DOCK9: variants seen among roughly 807,000 people sequenced by gnomAD.
DOCK9 encodes dedicator of cytokinesis protein 9.
A neutral mutation model predicts 263.3 loss-of-function variants in DOCK9; 89 were observed. The observed-to-expected ratio is 0.34, with a 90% CI of 0.28 to 0.40. The LOEUF (loss-of-function observed/expected upper bound fraction) is 0.40, where lower values mean the gene tolerates loss of function less well. DOCK9 is among the 10% of genes least tolerant of loss of function. The probability of loss-of-function intolerance (pLI) is 1.00; values close to 1 mark genes in which losing one functional copy is unlikely to be tolerated. For synonymous variants in DOCK9, 976 were observed against 973.1 expected (o/e 1.00, Z -0.06); for missense variants, 2,140 against 2,603.4 (o/e 0.82, Z 3.87).
At chr13:98,847,425 T>C (rs549720220) in intron 37 of DOCK9, 1 of 152,232 alleles carries the variant, frequency 6.6e-6, no homozygotes, top group African/African-American at 2.4e-5. Context: ...TGATAAAAAA[T>C]AAAACAGTTA....
intron 2 of DOCK9, among the ~76,000 whole-genome samples, chr13:98,931,389 C>A (rs1379297196): frequency 6.6e-6 from 1 of 152,030 alleles, no homozygotes; most frequent in East Asian, 1.9e-4. Flanking sequence ...AGCTCCGCCT[C>A]CCGGGTTCAC....
At chr13:99,027,437 C>T (rs990032764) in intron 1 of DOCK9, among the ~76,000 whole-genome samples, 4 of 152,184 alleles carry the variant, frequency 2.6e-5, no homozygotes, top group Admixed American at 2.6e-4. Flanking sequence ...TCCTCATGCT[C>T]AGGCCCACTG....
At chr13:99,016,200 A>G (rs1885385060) in intron 1 of DOCK9, 1 of 150,136 alleles carries the variant, frequency 6.7e-6, no homozygotes, top group Admixed American at 6.7e-5. Flanking sequence ...GAAGCAAAGG[A>G]AAAAAAAAAG....
Position 98,880,647 on chromosome 13 carries a change from A to C in DOCK9, c.2771T>G (p.Val924Gly). The C allele has an allele frequency of 6.2e-7, 1 of 1,613,884 alleles. No individual in the cohort carries two copies. The highest frequency in any genetic ancestry group is 8.5e-7 in the Non-Finnish European group (1 of 1,179,840). The change falls in exon 26 of 53, where the codon GTT becomes GGT. Residue 924 changes from valine (V) to glycine (G), a missense_variant. Coordinates refer to ENST00000682017, the MANE Select transcript of DOCK9 (RefSeq NM_001366683.2). The stretch of plus-strand genomic sequence containing the variant: ...ATGCACTGTCTTGTATTCAGAGGCA[A>C]CATATGGCTCAGCCTTATACGCGTA... ...VKYAYKAEPY[V>G]ASEYKTVHEE...
chr13:99,015,711 C>T (rs987268989), intron 1 of DOCK9: 2 of 1,424,976 alleles, frequency 1.4e-6, no homozygotes, highest in African/African-American at 2.9e-5. Flanking sequence ...ATCTTCGTGA[C>T]AAGCAGTCAC....
intron 1 of DOCK9, among the ~76,000 whole-genome samples, chr13:98,958,508 T>G (rs2058313677): frequency 6.6e-6 from 1 of 152,262 alleles, no homozygotes; most frequent in Non-Finnish European, 1.5e-5. Context: ...GTAAAGGACT[T>G]TGCCAGCCTT....
At position 98,800,390 on chromosome 13, in the gene DOCK9, G is replaced by C. The variant is rs771712709; in HGVS notation, c.5814C>G (p.Asp1938Glu). ...GCTCCGCCACCTTCTTACTCATCTCGTCAATGGCCACCTCGATGGGGTTCA... is the reference window on the plus strand; with the variant it reads ...GCTCCGCCACCTTCTTACTCATCTCCTCAATGGCCACCTCGATGGGGTTCA... The part of the protein sequence containing the change: ...TDLNPIEVAI[D>E]EMSKKVAELR... Residue 1938 changes from aspartate to glutamate, a missense_variant, in exon 50 of 53, where the codon GAC becomes GAG. By Grantham distance (45) the Asp-to-Glu change is conservative. Transcript: ENST00000682017. The C allele has an allele frequency of 6.2e-7, 1 of 1,613,940 alleles. No individual in the cohort carries two copies. The highest frequency in any genetic ancestry group is 1.7e-5 in the Admixed American group (1 of 60,006).
At chr13:98,806,726 TG>T (rs534002123) in intron 48 of DOCK9, among the ~76,000 whole-genome samples, 240 of 152,214 alleles carry the variant, frequency 1.6e-3, no homozygotes, top group African/African-American at 5.4e-3. Flanking sequence ...CTGGCCAACA[TG>T]GTGAAACCCT....
intron 1 of DOCK9, among the ~76,000 whole-genome samples, chr13:99,021,795 A>AACACCGGGGCCTG (rs1213150353): frequency 6.6e-6 from 1 of 152,118 alleles, no homozygotes; most frequent in African/African-American, 2.4e-5. Context: ...GTGGGAGTTG[A>AACACCGGGGCCTG]ACACCGGGGC....
intron 1 of DOCK9, chr13:99,025,342 T>G (rs1886585162): frequency 6.6e-6 from 1 of 151,950 alleles, no homozygotes; most frequent in Non-Finnish European, 1.5e-5. Flanking sequence ...CATTCCATAT[T>G]AAAAAGAAAA....
chr13:98,964,873 C>T (rs1163704730), intron 1 of DOCK9, among the ~76,000 whole-genome samples: 3 of 152,210 alleles, frequency 2.0e-5, no homozygotes, highest in Non-Finnish European at 2.9e-5. Context: ...TGAGGAGCAC[C>T]GGATGGGCCA....
intron 15 of DOCK9, among the ~76,000 whole-genome samples, chr13:98,889,060 C>T (rs1408987685): frequency 6.6e-6 from 1 of 152,190 alleles, no homozygotes; most frequent in East Asian, 1.9e-4. Context: ...AGTGGCTGCG[C>T]ACTACACAGT....
intron 1 of DOCK9, among the ~76,000 whole-genome samples, chr13:99,073,601 T>C (rs1383455441): frequency 6.6e-6 from 1 of 152,148 alleles, no homozygotes; most frequent in Non-Finnish European, 1.5e-5. Flanking sequence ...CCTTTAAGGC[T>C]AGGGGGTTGG....
chr13:98,982,928 C>T (rs374088048), upstream of DOCK9, among the ~76,000 whole-genome samples: 12 of 151,836 alleles, frequency 7.9e-5, 1 homozygote, highest in Admixed American at 2.0e-4. Flanking sequence ...TTAAAATGTA[C>T]AAATAAACGT....
chr13:99,003,251 C>T (rs1343817022), intron 1 of DOCK9, among the ~76,000 whole-genome samples: 1 of 152,188 alleles, frequency 6.6e-6, no homozygotes, highest in Non-Finnish European at 1.5e-5. Flanking sequence ...AGACAGAGGT[C>T]TTCAAGCCGT....
intron 1 of DOCK9, among the ~76,000 whole-genome samples, chr13:99,059,662 T>A (rs960775868): frequency 3.3e-5 from 5 of 152,218 alleles, no homozygotes; most frequent in South Asian, 2.1e-4. Context: ...GTGTTTTTAA[T>A]AAAGTTTTGT....
At chr13:98,979,238 C>CGGT (rs1876411777), upstream of DOCK9, among the ~76,000 whole-genome samples, 1 of 120,020 alleles carries the variant, frequency 8.3e-6, no homozygotes, top group Admixed American at 8.3e-5. Context: ...GTAGCAGCAG[C>CGGT]GGCGGCAGCA....
At chr13:98,904,762 G>T in intron 9 of DOCK9, 56 bp from the exon 10 acceptor site, 1 of 1,451,974 alleles carries the variant, frequency 6.9e-7, no homozygotes, top group Non-Finnish European at 9.4e-7. Flanking sequence ...TTGCAAAGGT[G>T]CCCAAATACA....
chr13:98,952,248 T>C (rs575059033), intron 2 of DOCK9, among the ~76,000 whole-genome samples: 2 of 151,970 alleles, frequency 1.3e-5, no homozygotes, highest in South Asian at 4.2e-4. Context: ...ATTTTTTGTT[T>C]GTTTTGAGAT....
Sources: allele counts gnomAD v4.1 joint callset (sites outside exome capture counted in the v4.1 genomes callset), GRCh38; gene constraint gnomAD v4.1.1; transcripts MANE v1.5; gene names NCBI Gene and HGNC (gene_info 2026-07-23, HGNC 2026-07-21).